Variants in HECW1 observed in about 807,000 individuals in gnomAD.
HECW1 encodes HECT, C2 and WW domain containing E3 ubiquitin protein ligase 1.
HECW1 carries 61 observed loss-of-function variants against 182.3 expected under a neutral mutation model. The ratio of observed to expected loss-of-function variants is 0.33; its 90% CI spans 0.27 to 0.41. HECW1 has a LOEUF of 0.41. Ranked by LOEUF, HECW1 falls within the 10% of genes least tolerant of loss-of-function variation. The pLI, the probability that HECW1 is intolerant of heterozygous loss-of-function variation, is 1.00. For missense variants in HECW1, 1,739 were observed against 2,108.9 expected, an observed-to-expected ratio of 0.82 and a Z score of 3.44; for synonymous variants, 859 against 832.6, an observed-to-expected ratio of 1.03 and a Z score of -0.55.
At chr7:43,159,789 C>T (rs1460275416) in intron 2 of HECW1, among the ~76,000 whole-genome samples, 1 of 147,924 alleles carries the variant, frequency 6.8e-6, no homozygotes, top group Non-Finnish European at 1.5e-5. Context: ...ATGCCTTTCT[C>T]CTGCCTCAGC....
chr7:43,501,536 GA>G (rs1304463420), intron 21 of HECW1, among the ~76,000 whole-genome samples: 1 of 151,966 alleles, frequency 6.6e-6, no homozygotes, highest in Non-Finnish European at 1.5e-5. Context: ...AAATGGTTGG[GA>G]AAAAAATGTT....
In HECW1 at chr7:43,488,358, GGAAGGAAGGAAGGAAGGAA is replaced by G. The variant is rs2078738495; in HGVS notation, c.3235-3715_3235-3697del. On this transcript the variant is annotated intron_variant, in intron 17 of 29. Transcript: ENST00000395891. ...AGGAAGGAAGGAAGGAAGGAAGGAA[GGAAGGAAGGAAGGAAGGAA>G]GGAAGGAAGGAAGGAAGGAAGGAAA... 7.9e-5 allele frequency among the ~76,000 whole-genome samples: 9 copies of G among 114,408 alleles called. No homozygotes were observed. In the Admixed American group the frequency reaches 8.5e-4, roughly 11 times the overall value. The allele number at this position is 114,408 out of a possible 152,430, so 75.1% of individuals were successfully genotyped here. A position where few individuals can be genotyped will look rare whatever the true frequency, so the allele number is the denominator to read the frequency against.
At chr7:43,545,886 A>G (rs2081539598) in intron 26 of HECW1, among the ~76,000 whole-genome samples, 1 of 152,126 alleles carries the variant, frequency 6.6e-6, no homozygotes, top group African/African-American at 2.4e-5. Flanking sequence ...GAAATACATC[A>G]TAATTTCTGT....
At chr7:43,253,877 C>A (rs1800293721) in intron 3 of HECW1, among the ~76,000 whole-genome samples, 1 of 151,978 alleles carries the variant, frequency 6.6e-6, no homozygotes, top group Non-Finnish European at 1.5e-5. Flanking sequence ...CATTGCACTC[C>A]AGCCTGGACA....
At chr7:43,302,748 C>T (rs537626770) in intron 3 of HECW1, among the ~76,000 whole-genome samples, 1 of 152,298 alleles carries the variant, frequency 6.6e-6, no homozygotes, top group South Asian at 2.1e-4. Flanking sequence ...GAACACATAT[C>T]CTTTTCCTCT....
At chr7:43,501,006 T>G (rs1371795046) in intron 20 of HECW1, among the ~76,000 whole-genome samples, 1 of 152,148 alleles carries the variant, frequency 6.6e-6, no homozygotes, top group Non-Finnish European at 1.5e-5. Flanking sequence ...GATGGAGACT[T>G]TGTTGTAGGA....
intron 6 of HECW1, among the ~76,000 whole-genome samples, chr7:43,394,728 C>T (rs1034392582): frequency 6.6e-6 from 1 of 152,168 alleles, no homozygotes; most frequent in Non-Finnish European, 1.5e-5. Flanking sequence ...AAGGGTTCAC[C>T]TTGCCCACTG....
In HECW1 at chr7:43,492,131, C is replaced by A; in HGVS notation, c.3291C>A (p.Ser1097Arg). 8 of 1,603,846 alleles carry A rather than the reference C, an allele frequency of 5.0e-6. No individual in the cohort carries two copies. Among genetic ancestry groups the A allele is most frequent in the Non-Finnish European group, 6.8e-6 (8 of 1,177,472 alleles). The change falls in exon 18 of 30, where the codon AGC (serine) becomes AGA (arginine). Residue 1097 changes from serine to arginine, a missense_variant. Physicochemically the swap from Ser to Arg is moderately radical, Grantham distance 110. Around this residue, in one of 5 missense-constraint regions of HECW1, gnomAD observed 971 missense variants for 1,029.1 expected, o/e 0.94. Transcript: ENST00000395891. ...CTTTACTGGCCAGGCCAGGACACAG[C>A]TTAGTAGCTGCTATTCGAAGCCAAC... ...GASLLARPGHSLVAAIRSQHQ... is the reference protein window; with the variant it reads ...GASLLARPGHRLVAAIRSQHQ...
intron 7 of HECW1, among the ~76,000 whole-genome samples, chr7:43,400,708 C>T (rs1366168219): frequency 6.6e-6 from 1 of 152,108 alleles, no homozygotes; most frequent in Admixed American, 6.5e-5. Context: ...CTTAGAAAGT[C>T]AAGTGTATTT....
intron 2 of HECW1, among the ~76,000 whole-genome samples, chr7:43,199,616 C>A (rs1432017468): frequency 2.0e-5 from 3 of 151,994 alleles, no homozygotes; most frequent in Non-Finnish European, 4.4e-5. Context: ...TTTTTTAATT[C>A]TTTGTAAGCA....
At chr7:43,393,674 C>CT (rs1177536555) in intron 6 of HECW1, among the ~76,000 whole-genome samples, 7 of 145,422 alleles carry the variant, frequency 4.8e-5, no homozygotes, top group African/African-American at 1.2e-4. Flanking sequence ...CTTTTTTCTT[C>CT]TTCTTTTTTT....
intron 5 of HECW1, among the ~76,000 whole-genome samples, chr7:43,336,343 A>ATTT (rs974125400): frequency 6.6e-6 from 1 of 151,172 alleles, no homozygotes; most frequent in East Asian, 1.9e-4. Context: ...TTAAAAAAAA[A>ATTT]TTTTTTTTAG....
chr7:43,528,233 A>G (rs1354183571), intron 24 of HECW1, among the ~76,000 whole-genome samples: 2 of 152,200 alleles, frequency 1.3e-5, no homozygotes. Flanking sequence ...GAATATTTGG[A>G]AGCTAAGGAG....
chr7:43,386,570 G>A (rs755604824), intron 6 of HECW1, among the ~76,000 whole-genome samples: 38 of 152,150 alleles, frequency 2.5e-4, no homozygotes, highest in African/African-American at 7.5e-4. Context: ...TAGATCCAGC[G>A]TGATGCCAAA....
chr7:43,117,831 T>C (rs561507448), intron 2 of HECW1: 1 of 152,524 alleles, frequency 6.6e-6, no homozygotes, highest in East Asian at 1.9e-4. Flanking sequence ...CAAAGATCAC[T>C]AAGCTCCTAG....
At chr7:43,185,754 A>G (rs569766175) in intron 2 of HECW1, among the ~76,000 whole-genome samples, 70 of 152,332 alleles carry the variant, frequency 4.6e-4, no homozygotes, top group Middle Eastern at 3.4e-3. Context: ...AAAAGCACAG[A>G]TGACTGTATA....
rs2081963650 is a variant in HECW1, at chr7:43,554,704, C to T, written c.4623C>T (p.Pro1541=). Reference sequence around the variant, plus strand: ...TTGTCACGGGAACATCCAGCGTGCCCTACGAAGGCTTCGCAGCCCTCCGTG... The same window carrying T: ...TTGTCACGGGAACATCCAGCGTGCCTTACGAAGGCTTCGCAGCCCTCCGTG... ...LQFVTGTSSV[P]YEGFAALRGS... Residue 1541 remains proline, a synonymous_variant, in exon 29 of 30, where the codon CCC becomes CCT. Coordinates refer to ENST00000395891, the MANE Select transcript of HECW1 (RefSeq NM_015052.5). 6.2e-7 allele frequency: 1 copy of T among 1,614,152 alleles called. No individual in the cohort carries two copies. Among genetic ancestry groups the T allele is most frequent in the African/African-American group, 1.3e-5 (1 of 75,050 alleles).
chr7:43,208,248 C>G (rs1412220691), intron 2 of HECW1, among the ~76,000 whole-genome samples: 1 of 152,088 alleles, frequency 6.6e-6, no homozygotes, highest in Non-Finnish European at 1.5e-5. Flanking sequence ...CTCTTTCAAC[C>G]TTCTATTGAT....
chr7:43,507,386 G>A, intron 22 of HECW1, 129 bp downstream of exon 22: 1 of 862,272 alleles, frequency 1.2e-6, no homozygotes, highest in Admixed American at 2.9e-5. Flanking sequence ...TCTGAAGCGG[G>A]GGAAGAAGGA....
Sources: gnomAD v4.1 joint callset for allele counts (sites outside exome capture counted in the v4.1 genomes callset) on GRCh38, gnomAD v4.1.1 for gene constraint, gnomAD v4.1.1 regional missense constraint, MANE v1.5 for transcripts, NCBI Gene and HGNC (gene_info 2026-07-23, HGNC 2026-07-21) for gene names.